SLIT1: variants seen among roughly 807,000 people sequenced by gnomAD.
The protein encoded by SLIT1 is slit homolog 1 protein.
Under a neutral mutation model 186.1 loss-of-function variants are expected in SLIT1, and 66 were observed. The observed-to-expected ratio is 0.35, with a 90% confidence interval of 0.29 to 0.44. The LOEUF (loss-of-function observed/expected upper bound fraction) is 0.44, where lower values mean the gene tolerates loss of function less well. Ranked by LOEUF, SLIT1 falls within the 20% of genes least tolerant of loss-of-function variation. SLIT1 has a pLI of 1.00. For missense variants in SLIT1, 1,638 were observed against 2,037.4 expected, an observed-to-expected ratio of 0.80 and a Z score of 3.77; for synonymous variants, 761 against 833.8, an observed-to-expected ratio of 0.91 and a Z score of 1.50.
rs767352063 is a variant in SLIT1, at chr10:97,155,700, G to A, written c.413+2118C>T. On this transcript the variant is annotated intron_variant, in intron 4 of 36. Coordinates refer to ENST00000266058, the MANE Select transcript of SLIT1 (RefSeq NM_003061.3). ...GAGGGCAACGGATCACTATGGGAAG[G>A]AGAAGGGACCCAAGTAGGCAAATCA... 4.6e-5 allele frequency among the ~76,000 whole-genome samples: 7 copies of A among 152,330 alleles called. No individual in the cohort carries two copies. The East Asian group carries it at 1.2e-3, about 25-fold the overall frequency.
At chr10:97,097,064 C>G (rs879498334) in intron 4 of SLIT1, among the ~76,000 whole-genome samples, 7 of 152,164 alleles carry the variant, frequency 4.6e-5, no homozygotes, top group Non-Finnish European at 8.8e-5. Flanking sequence ...GCCTGGCACC[C>G]CAAAAGAGGC....
rs201384867 is a variant in SLIT1 at position 97,001,104 on chromosome 10, G to T, written c.*8C>A. On this transcript the variant is annotated 3_prime_UTR_variant, in exon 37 of 37. Transcript: ENST00000266058. ...TGCCCGCCCTCACCGGCCTGTCCAC[G>T]CCCAGCGCTATGCGCAGAGGGCACA... is the stretch of plus-strand genomic sequence containing the variant. 6.2e-7 allele frequency: 1 copy of T among 1,610,094 alleles called. No individual in the cohort carries two copies. Among genetic ancestry groups the T allele is most frequent in the Non-Finnish European group, 8.5e-7 (1 of 1,177,864 alleles).
chr10:97,117,864 G>A (rs957429021), intron 4 of SLIT1, among the ~76,000 whole-genome samples: 2 of 152,154 alleles, frequency 1.3e-5, no homozygotes, highest in African/African-American at 4.8e-5. Context: ...TGAATGTTCT[G>A]TAAATGTGTC....
intron 4 of SLIT1, among the ~76,000 whole-genome samples, chr10:97,114,042 A>G (rs1849488192): frequency 6.6e-6 from 1 of 152,174 alleles, no homozygotes; most frequent in South Asian, 2.1e-4. Context: ...CCAGCCCCTC[A>G]GGATACTCAG....
rs1436121524 is a variant in SLIT1 at position 97,022,140 on chromosome 10, C to T, written c.2583-727G>A. ...TTTGGGCACCGAATCATCTCATCAG[C>T]CCCACTGTGCAAGTTTTCTCCTCTC... On this transcript the variant is annotated intron_variant, in intron 25 of 36. Transcript: ENST00000266058. This position sits in a 1 kb window ranked among gnomAD's most constrained non-coding sequence, Gnocchi z 4.2. 6.6e-6 allele frequency among the ~76,000 whole-genome samples: 1 copy of T among 152,142 alleles called. No homozygotes were observed. The highest frequency in any genetic ancestry group is 1.5e-5 in the Non-Finnish European group (1 of 68,018).
intron 1 of SLIT1, among the ~76,000 whole-genome samples, chr10:97,169,484 G>A (rs1035266224): frequency 2.0e-5 from 3 of 152,192 alleles, no homozygotes; most frequent in Non-Finnish European, 4.4e-5. Flanking sequence ...ACATTTTTCT[G>A]CTGCATCTGA....
chr10:97,116,569 T>C (rs1000565034), intron 4 of SLIT1, among the ~76,000 whole-genome samples: 1 of 152,240 alleles, frequency 6.6e-6, no homozygotes, highest in African/African-American at 2.4e-5. Flanking sequence ...GTGGGGTTTC[T>C]GTCCCTGGTC....
chr10:97,171,109 C>A (rs1278221381), intron 1 of SLIT1, among the ~76,000 whole-genome samples: 1 of 152,180 alleles, frequency 6.6e-6, no homozygotes, highest in Non-Finnish European at 1.5e-5. Flanking sequence ...TAAGACAAGC[C>A]TACTCGGGAA....
rs74828767 is a variant in SLIT1 at position 97,164,900 on chromosome 10, G to A, written c.198-10C>T. 2,081 of 1,608,988 alleles carry A rather than the reference G, an allele frequency of 1.3e-3. 41 individuals carry two copies. In the East Asian group the frequency reaches 0.043, roughly 33 times the overall value. ...GTTGCCATTGAGTTCCCTGGAGGAA[G>A]AAGGAGAGAAGGAAGCAGTGGGGTG... On this transcript the variant is annotated splice_polypyrimidine_tract_variant and intron_variant, in intron 1 of 36. Transcript: ENST00000266058.
At chr10:97,013,299 C>T (rs1309190283) in intron 30 of SLIT1, among the ~76,000 whole-genome samples, 2 of 152,156 alleles carry the variant, frequency 1.3e-5, no homozygotes, top group Non-Finnish European at 2.9e-5. Context: ...TCAGATCTGG[C>T]CATGAGATGG....
At position 97,185,857 on chromosome 10, in the gene SLIT1, G is replaced by A. The variant is rs1456288487; in HGVS notation, c.-183C>T. 2.8e-5 allele frequency: 15 copies of A among 526,848 alleles called. No individual in the cohort carries two copies. In the East Asian group the frequency reaches 5.0e-4, roughly 18 times the overall value. The allele number at this position is 526,848 out of a possible 1,614,324, so 32.6% of individuals were successfully genotyped here. ...CAAGCGACGGCGCCTGTGCGCGGAC[G>A]GAGGGAGGGCGCCTTGGGCGGAGGG... On this transcript the variant is annotated 5_prime_UTR_variant, in exon 1 of 37. Transcript: ENST00000266058.
At chr10:97,151,939 G>A (rs1849885020) in intron 4 of SLIT1, among the ~76,000 whole-genome samples, 2 of 152,164 alleles carry the variant, frequency 1.3e-5, no homozygotes, top group East Asian at 3.9e-4. Flanking sequence ...TGGGGTTGGG[G>A]AAGGGGGTGT....
intron 22 of SLIT1, among the ~76,000 whole-genome samples, chr10:97,035,367 T>A (rs1848630160): frequency 6.6e-6 from 1 of 152,106 alleles, no homozygotes; most frequent in South Asian, 2.1e-4. Context: ...CTCCTCCTCC[T>A]GATGCCCACA....
rs755792363 is a variant in SLIT1 at position 97,002,840 on chromosome 10, C to T, written c.4018G>A (p.Glu1340Lys). 1.7e-5 allele frequency: 27 copies of T among 1,614,036 alleles called. No homozygotes were observed. Among genetic ancestry groups the T allele is most frequent in the Middle Eastern group, 1.6e-4 (1 of 6,084 alleles). The change falls in exon 35 of 37, where the codon GAA becomes AAA. Residue 1340 changes from glutamate to lysine, a missense_variant. Physicochemically the swap from Glu to Lys is moderately conservative, Grantham distance 56. Coordinates refer to ENST00000266058, the MANE Select transcript of SLIT1 (RefSeq NM_003061.3). Reference sequence around the variant, plus strand: ...AGGCAGTAGAGCTTGCGGCAGGGTTCGCAGCCTGGCACCACGCCTGGCTTC... The same window carrying T: ...AGGCAGTAGAGCTTGCGGCAGGGTTTGCAGCCTGGCACCACGCCTGGCTTC... ...QMKPGVVPGC[E>K]PCRKLYCLHG...
intron 28 of SLIT1, among the ~76,000 whole-genome samples, chr10:97,015,853 A>G (rs1398292204): frequency 2.0e-5 from 3 of 152,236 alleles, no homozygotes; most frequent in African/African-American, 7.2e-5. Context: ...ACAGAGACGC[A>G]TGGCAGAGTA....
At position 97,021,751 on chromosome 10, in the gene SLIT1, C is replaced by T. The variant is rs914416584; in HGVS notation, c.2583-338G>A. Among the ~76,000 whole-genome samples the T allele has an allele frequency of 9.2e-5, 14 of 152,126 alleles. No individual in the cohort carries two copies. The highest frequency in any genetic ancestry group is 3.4e-4 in the African/African-American group (14 of 41,512). ...CTAATTTTTGTATTTTTAGTAGAGA[C>T]GGGGTTTCACCATATTGACCAGGCT... is the stretch of plus-strand genomic sequence containing the variant. On this transcript the variant is annotated intron_variant, in intron 25 of 36. Coordinates refer to ENST00000266058, the MANE Select transcript of SLIT1 (RefSeq NM_003061.3). The surrounding 1 kb of genome is among the most constrained non-coding windows in gnomAD (Gnocchi z 4.5).
intron 4 of SLIT1, among the ~76,000 whole-genome samples, chr10:97,140,465 C>A (rs1350992547): frequency 6.6e-6 from 1 of 152,226 alleles, no homozygotes; most frequent in African/African-American, 2.4e-5. Flanking sequence ...GGGAATTCTC[C>A]GCTGTGTTTG....
At position 97,057,101 on chromosome 10, in the gene SLIT1, C is replaced by T. The variant is rs192091351; in HGVS notation, c.1157+109G>A. The T allele has an allele frequency of 6.2e-4, 494 of 793,534 alleles. 2 individuals are homozygous for T. In the African/African-American group the frequency reaches 7.9e-3, roughly 13 times the overall value. The allele number at this position is 793,534 out of a possible 1,614,324, so 49.2% of individuals were successfully genotyped here. A position where few individuals can be genotyped will look rare whatever the true frequency, so the allele number is the denominator to read the frequency against. Reference sequence around the variant, plus strand: ...TCTGCCTGTCTTCCAAGCTCATTGTCTCAATTGAGTCCCATACCCAAGAGA... The same window carrying T: ...TCTGCCTGTCTTCCAAGCTCATTGTTTCAATTGAGTCCCATACCCAAGAGA... On this transcript the variant is annotated intron_variant, in intron 12 of 36. Transcript: ENST00000266058.
intron 25 of SLIT1, among the ~76,000 whole-genome samples, chr10:97,030,450 C>A (rs1429278160): frequency 1.3e-5 from 2 of 152,164 alleles, no homozygotes; most frequent in Non-Finnish European, 2.9e-5. Flanking sequence ...AGATGAGAAC[C>A]ACAGCACCTA....
Sources: allele counts gnomAD v4.1 joint callset (sites outside exome capture counted in the v4.1 genomes callset), GRCh38; gene constraint gnomAD v4.1.1; non-coding constraint Gnocchi (gnomAD v3.1); transcripts MANE v1.5; gene names NCBI Gene and HGNC (gene_info 2026-07-23, HGNC 2026-07-21).